Variants in STX18 observed in about 807,000 individuals in gnomAD.
The protein encoded by STX18 is syntaxin-18.
STX18 carries 40 observed loss-of-function variants against 50.1 expected under a neutral mutation model. The ratio of observed to expected loss-of-function variants is 0.80; its 90% CI spans 0.62 to 1.04. The LOEUF is 1.04. Among genes scored for constraint, STX18 ranks in the 50% least tolerant of loss-of-function variants. The probability of loss-of-function intolerance (pLI) is 0.00; values close to 1 mark genes in which losing one functional copy is unlikely to be tolerated. For missense variants in STX18, 410 were observed against 415.8 expected (o/e 0.99, Z 0.12); for synonymous variants, 158 against 151.8 (o/e 1.04, Z -0.30).
At chr4:4,527,369 T>A (rs1298857709) in intron 1 of STX18, among the ~76,000 whole-genome samples, 1 of 152,262 alleles carries the variant, frequency 6.6e-6, no homozygotes. Context: ...TAACATTTTT[T>A]AAAACTTTCT....
chr4:4,439,704 ACAAGTC>A (rs1391157920), intron 5 of STX18, among the ~76,000 whole-genome samples: 1 of 152,098 alleles, frequency 6.6e-6, no homozygotes, highest in Non-Finnish European at 1.5e-5. Flanking sequence ...CTCTGAAAGC[ACAAGTC>A]CTTAAATACC....
chr4:4,448,632 G>A (rs1000984838), intron 5 of STX18, among the ~76,000 whole-genome samples: 4 of 152,096 alleles, frequency 2.6e-5, no homozygotes, highest in African/African-American at 7.2e-5. Context: ...ATGAGCCACC[G>A]CGCCCAGCCA....
intron 1 of STX18, among the ~76,000 whole-genome samples, chr4:4,530,649 T>C (rs1731049825): frequency 6.6e-6 from 1 of 152,174 alleles, no homozygotes; most frequent in Admixed American, 6.5e-5. Flanking sequence ...TTGTTTTTCC[T>C]AGCTGGAGTG....
intron 1 of STX18, among the ~76,000 whole-genome samples, chr4:4,517,307 T>A (rs1052553580): frequency 6.6e-6 from 1 of 152,184 alleles, no homozygotes; most frequent in Non-Finnish European, 1.5e-5. Flanking sequence ...GCTACTGTGA[T>A]ACTAAATAGA....
At chr4:4,451,499 C>T (rs891576003) in intron 5 of STX18, among the ~76,000 whole-genome samples, 2 of 152,236 alleles carry the variant, frequency 1.3e-5, no homozygotes, top group Non-Finnish European at 2.9e-5. Context: ...TGTGGCAACA[C>T]TGCATGGAGT....
chr4:4,539,173 GA>G lies in STX18; in HGVS notation c.168+2623del, dbSNP rs921051571. Among the ~76,000 whole-genome samples, 45 of 152,120 alleles carry G rather than the reference GA, an allele frequency of 3.0e-4. 1 individual carries two copies. The highest frequency in any genetic ancestry group is 2.9e-5 in the Non-Finnish European group (2 of 68,008). ...AGGCATATATTTGAGGAATGGAATG[GA>G]AGAATAGAAATTGAACCAGATAAAA... On this transcript the variant is annotated intron_variant, in intron 1 of 10. Coordinates refer to ENST00000306200, the MANE Select transcript of STX18 (RefSeq NM_016930.4).
chr4:4,450,143 T>C (rs369342915), intron 5 of STX18, among the ~76,000 whole-genome samples: 2 of 152,220 alleles, frequency 1.3e-5, no homozygotes, highest in South Asian at 2.1e-4. Context: ...TATGCATGCA[T>C]TTTCATACAC....
intron 7 of STX18, chr4:4,426,262 G>T (rs571867704): frequency 6.6e-6 from 1 of 152,160 alleles, no homozygotes; most frequent in Non-Finnish European, 1.5e-5. Flanking sequence ...GAACTGGGTG[G>T]AACATAACTT....
Position 4,420,697 on chromosome 4 carries a change from G to T in STX18, c.912+167C>A, listed in dbSNP as rs1560153321. 1.6e-6 allele frequency: 1 copy of T among 629,554 alleles called. No individual in the cohort carries two copies. The highest frequency in any genetic ancestry group is 1.8e-5 in the African/African-American group (1 of 54,150). The allele number at this position is 629,554 out of a possible 1,614,324, so 39.0% of individuals were successfully genotyped here. On this transcript the variant is annotated intron_variant, in intron 10 of 10. Transcript: ENST00000306200. This position sits in a 1 kb window ranked among gnomAD's most constrained non-coding sequence, Gnocchi z 4.3. ...AAGCAGCTGGAGGTGGGCGACAGGTGGTGGGTCTCATGAACACACGCAGCT... is the reference window on the plus strand; with the variant it reads ...AAGCAGCTGGAGGTGGGCGACAGGTTGTGGGTCTCATGAACACACGCAGCT...
intron 7 of STX18, among the ~76,000 whole-genome samples, chr4:4,428,883 G>A: frequency 6.6e-6 from 1 of 152,196 alleles, no homozygotes; most frequent in East Asian, 1.9e-4. Flanking sequence ...CTATGGAATT[G>A]CAAAGGAAGG....
At chr4:4,459,292 A>G (rs537849266) in intron 3 of STX18, 80 bp downstream of exon 3, 1 of 972,238 alleles carries the variant, frequency 1.0e-6, no homozygotes, top group Non-Finnish European at 1.6e-6. Context: ...AGGGAATTTT[A>G]ACTGGCCGCA....
At chr4:4,452,475 G>A (rs1355810849) in intron 5 of STX18, among the ~76,000 whole-genome samples, 2 of 152,168 alleles carry the variant, frequency 1.3e-5, no homozygotes, top group Non-Finnish European at 2.9e-5. Flanking sequence ...CAAAGGATAG[G>A]GTGACTTTCT....
intron 1 of STX18, among the ~76,000 whole-genome samples, chr4:4,510,954 G>A (rs1454628088): frequency 6.8e-6 from 1 of 147,566 alleles, no homozygotes; most frequent in Admixed American, 6.8e-5. Flanking sequence ...ATTGAACAAG[G>A]AGAACACATG....
At position 4,457,492 on chromosome 4, in the gene STX18, C is replaced by G. The variant is rs768109962; in HGVS notation, c.361G>C (p.Glu121Gln). The G allele has an allele frequency of 6.2e-7, 1 of 1,613,742 alleles. No individual in the cohort carries two copies. The highest frequency in any genetic ancestry group is 8.5e-7 in the Non-Finnish European group (1 of 1,179,820). Residue 121 changes from glutamate (E) to glutamine (Q), a missense_variant, in exon 4 of 11, where the codon GAG becomes CAG. By Grantham distance (29) the Glu-to-Gln change is conservative. Coordinates refer to ENST00000306200, the MANE Select transcript of STX18 (RefSeq NM_016930.4). The stretch of plus-strand genomic sequence containing the variant: ...TCCTTCACTTGCTGGGAATGTATCT[C>G]CTTGTGAGCTGTAACAGAAAAAGAC... ...IQQLRTEAHK[E>Q]IHSQQVKEHR...
intron 1 of STX18, among the ~76,000 whole-genome samples, chr4:4,480,310 T>G (rs1319965186): frequency 1.3e-5 from 2 of 152,192 alleles, no homozygotes; most frequent in Non-Finnish European, 2.9e-5. Flanking sequence ...ACCTTCCCCT[T>G]TAACCCAGGA....
At chr4:4,484,836 T>G (rs1053358672) in intron 1 of STX18, among the ~76,000 whole-genome samples, 6 of 152,250 alleles carry the variant, frequency 3.9e-5, no homozygotes, top group Non-Finnish European at 8.8e-5. Context: ...TCTGTGTGCT[T>G]GGAAAACTTT....
At chr4:4,433,130 T>C (rs994737676) in intron 7 of STX18, among the ~76,000 whole-genome samples, 8 of 152,210 alleles carry the variant, frequency 5.3e-5, no homozygotes, top group African/African-American at 1.9e-4. Context: ...TTAGTTTTTG[T>C]GCGTCATTTT....
intron 1 of STX18, among the ~76,000 whole-genome samples, chr4:4,521,294 C>T (rs1730500073): frequency 6.6e-6 from 1 of 152,166 alleles, no homozygotes; most frequent in Non-Finnish European, 1.5e-5. Flanking sequence ...ATTATGAAGC[C>T]TTTACAATTG....
In STX18 at chr4:4,438,477, G is replaced by A. The variant is rs981857214; in HGVS notation, c.530C>T (p.Thr177Ile). Residue 177 changes from threonine (T) to isoleucine (I), a missense_variant, in exon 6 of 11, where the codon ACA becomes ATA. Coordinates refer to ENST00000306200, the MANE Select transcript of STX18 (RefSeq NM_016930.4). The stretch of plus-strand genomic sequence containing the variant: ...TTTCTCAGAAGATGTGGATTCTCTT[G>A]TCTTTGTATTTGGTTCTGGTTCCAG... ...SKLEPEPNTK[T>I]RESTSSEKVS... is the part of the protein sequence containing the mutation. 3.7e-6 allele frequency: 6 copies of A among 1,613,656 alleles called. No homozygotes were observed. Among genetic ancestry groups the A allele is most frequent in the Non-Finnish European group, 5.1e-6 (6 of 1,179,714 alleles).
Sources: gnomAD v4.1 joint callset for allele counts (sites outside exome capture counted in the v4.1 genomes callset) on GRCh38, gnomAD v4.1.1 for gene constraint, Gnocchi (gnomAD v3.1) non-coding constraint, MANE v1.5 for transcripts, NCBI Gene and HGNC (gene_info 2026-07-23, HGNC 2026-07-21) for gene names.